Variants in KLHL35 observed in about 807,000 individuals in gnomAD.
The protein encoded by KLHL35 is kelch-like protein 35.
A neutral mutation model predicts 44.0 loss-of-function variants in KLHL35; 50 were observed. The observed-to-expected ratio is 1.14, with a 90% CI of 0.91 to 1.44. KLHL35 has a LOEUF of 1.44. KLHL35 is among the 40% of genes most tolerant of loss of function. The pLI is 0.00. For missense variants in KLHL35, 1,049 were observed against 887.8 expected, an observed-to-expected ratio of 1.18 and a Z score of -2.31; for synonymous variants, 470 against 410.4, an observed-to-expected ratio of 1.15 and a Z score of -1.76.
At chr11:75,422,838 C>T (rs1041318024) in intron 6 of KLHL35, 70 bp from the exon 7 acceptor site, 15 of 1,431,642 alleles carry the variant, frequency 1.0e-5, no homozygotes, top group Non-Finnish European at 1.4e-5. Context: ...CCTGGCCAGG[C>T]CAGATAATAG....
chr11:75,423,187 C>G, intron 6 of KLHL35: 1 of 208,728 alleles, frequency 4.8e-6, no homozygotes, highest in African/African-American at 2.3e-5. Flanking sequence ...CACCAAAGGT[C>G]AGAACTGGCA....
Position 75,429,774 on chromosome 11 carries a change from C to A in KLHL35, c.856G>T (p.Gly286Cys), listed in dbSNP as rs926922847. 4 of 1,497,716 alleles carry A rather than the reference C, an allele frequency of 2.7e-6. No homozygotes were observed. Among genetic ancestry groups the A allele is most frequent in the Non-Finnish European group, 3.5e-6 (4 of 1,129,158 alleles). The allele number at this position is 1,497,716 out of a possible 1,614,324, so 92.8% of individuals were successfully genotyped here. ...RACFILGREAGALRTRPRRFM... is the reference protein window; with the variant it reads ...RACFILGREACALRTRPRRFM... ...CTCCGCGGCCGGGTCCGCAGCGCAC[C>A]GGCCTCGCGGCCCAGGATGAAGCAG... is the stretch of plus-strand genomic sequence containing the variant. The change falls in exon 2 of 7, where the codon GGT becomes TGT. Residue 286 changes from glycine to cysteine, a missense_variant. Gly to Cys is a radical substitution (Grantham distance 159). Coordinates refer to ENST00000539798, the MANE Select transcript of KLHL35 (RefSeq NM_001039548.3).
intron 5 of KLHL35, among the ~76,000 whole-genome samples, chr11:75,425,082 G>A (rs542313682): frequency 6.6e-6 from 1 of 151,916 alleles, no homozygotes; most frequent in East Asian, 1.9e-4. Flanking sequence ...TAAATTTTCA[G>A]TAGTAAGTGT....
At chr11:75,425,794 C>T (rs915408946) in intron 4 of KLHL35, 8 of 435,862 alleles carry the variant, frequency 1.8e-5, no homozygotes, top group Non-Finnish European at 2.8e-5. Flanking sequence ...TCTCATTTAG[C>T]GGGGATGAGA....
chr11:75,430,193 A>G lies in KLHL35; in HGVS notation c.437T>C (p.Leu146Pro). Residue 146 changes from leucine to proline, a missense_variant, in exon 2 of 7, where the codon CTC (leucine) becomes CCC (proline). Transcript: ENST00000539798. ...AGLREACVRF[L>P]EGRLRAANSL... is the part of the protein sequence containing the mutation. ...GTTGGCGGCGCGCAGGCGGCCCTCG[A>G]GAAAGCGCACGCAGGCCTCGCGCAG... The G allele has an allele frequency of 2.4e-6, 3 of 1,241,868 alleles. No individual in the cohort carries two copies. Among genetic ancestry groups the G allele is most frequent in the Non-Finnish European group, 3.0e-6 (3 of 990,142 alleles). 76.9% of individuals were successfully genotyped at this position (1,241,868 alleles called of 1,614,324 possible).
At chr11:75,432,424 G>C (rs533681049) in intron 1 of KLHL35, among the ~76,000 whole-genome samples, 2 of 152,296 alleles carry the variant, frequency 1.3e-5, no homozygotes, top group East Asian at 1.9e-4. Context: ...TTGCCAGGGT[G>C]GGGGTGTGTC....
intron 1 of KLHL35, among the ~76,000 whole-genome samples, chr11:75,431,209 C>T (rs1393751721): frequency 2.0e-5 from 3 of 152,182 alleles, no homozygotes; most frequent in African/African-American, 7.2e-5. Context: ...GCCCTCTGCT[C>T]AATCCAGCCT....
rs567600058 is a variant in KLHL35, at chr11:75,423,663, C to T, written c.1563+29G>A. 1.4e-4 allele frequency: 221 copies of T among 1,600,756 alleles called. 1 individual carries two copies. The Admixed American group carries it at 1.8e-3, about 13-fold the overall frequency. ...GATCCAGAGCCTTAGAAGCGGGTTC[C>T]GCTCTCCTGCCTTGAAGCCTCCACT... On this transcript the variant is annotated intron_variant, in intron 6 of 6. Coordinates refer to ENST00000539798, the MANE Select transcript of KLHL35 (RefSeq NM_001039548.3).
At chr11:75,423,006 GAGA>G (rs1948463607) in intron 6 of KLHL35, 1 of 537,746 alleles carries the variant, frequency 1.9e-6, no homozygotes, top group South Asian at 2.7e-5. Context: ...TCGGCAAAGG[GAGA>G]AGAACTAAAG....
Position 75,425,501 on chromosome 11 carries a change from C to G in KLHL35, c.1266G>C (p.Ala422=). The G allele has an allele frequency of 6.4e-7, 1 of 1,561,172 alleles. No individual in the cohort carries two copies. Among genetic ancestry groups the G allele is most frequent in the Non-Finnish European group, 8.6e-7 (1 of 1,161,378 alleles). ...ERYDPFSNTW[A]AAAPLPEAVS... Reference sequence around the variant, plus strand: ...CGGCCTCCGGGAGGGGCGCGGCGGCCGCCCAGGTGTTGGAGAAGGGGTCGT... The same window carrying G: ...CGGCCTCCGGGAGGGGCGCGGCGGCGGCCCAGGTGTTGGAGAAGGGGTCGT... Residue 422 remains alanine, a synonymous_variant, in exon 5 of 7, where the codon GCG becomes GCC. Coordinates refer to ENST00000539798, the MANE Select transcript of KLHL35 (RefSeq NM_001039548.3).
At chr11:75,429,577 A>C (rs1948516317) in intron 2 of KLHL35, among the ~76,000 whole-genome samples, 172 bp downstream of exon 2, 1 of 152,210 alleles carries the variant, frequency 6.6e-6, no homozygotes, top group Non-Finnish European at 1.5e-5. Flanking sequence ...CATCTCCCTC[A>C]CTGGCTTGTT....
Position 75,430,573 on chromosome 11 carries a change from C to T in KLHL35, c.57G>A (p.Ala19=). The change falls in exon 2 of 7, where the codon GCG becomes GCA. Residue 19 remains alanine, a synonymous_variant. Coordinates refer to ENST00000539798, the MANE Select transcript of KLHL35 (RefSeq NM_001039548.3). ...GCACGCGCTGCGCGTGGCACGGACC[C>T]GCGCACGGCGCTTCGCAGCCCGGCT... The part of the protein sequence containing the change: ...ESEPGCEAPC[A]GPCHAQRVLQ... 1 of 1,449,218 alleles carries T rather than the reference C, an allele frequency of 6.9e-7. No homozygotes were observed. Among genetic ancestry groups the T allele is most frequent in the Non-Finnish European group, 9.0e-7 (1 of 1,106,372 alleles). The allele number at this position is 1,449,218 out of a possible 1,614,324, so 89.8% of individuals were successfully genotyped here. A position where few individuals can be genotyped will look rare whatever the true frequency, so the allele number is the denominator to read the frequency against.
chr11:75,430,456 C>T lies in KLHL35; in HGVS notation c.174G>A (p.Ala58=). 6 of 1,391,724 alleles carry T rather than the reference C, an allele frequency of 4.3e-6. No individual in the cohort carries two copies. Among genetic ancestry groups the T allele is most frequent in the Non-Finnish European group, 5.6e-6 (6 of 1,076,752 alleles). 86.2% of individuals were successfully genotyped at this position (1,391,724 alleles called of 1,614,324 possible). Residue 58 remains alanine, a synonymous_variant, in exon 2 of 7, where the codon GCG becomes GCA. Coordinates refer to ENST00000539798, the MANE Select transcript of KLHL35 (RefSeq NM_001039548.3). ...GGAAGTAGGCGCTGCCCGCGCTGAG[C>T]GCCGCGCGGTGGCACGGAAAGTCGC... ...GGRDFPCHRA[A]LSAGSAYFRS...
Position 75,430,523 on chromosome 11 carries a change from C to T in KLHL35, c.107G>A (p.Arg36Gln), listed in dbSNP as rs954337765. The T allele has an allele frequency of 3.5e-6, 5 of 1,447,528 alleles. No homozygotes were observed. The African/African-American group carries it at 4.4e-5, about 13-fold the overall frequency. The allele number at this position is 1,447,528 out of a possible 1,614,324, so 89.7% of individuals were successfully genotyped here. Residue 36 changes from arginine to glutamine, a missense_variant, in exon 2 of 7, where the codon CGG (arginine) becomes CAG (glutamine). Coordinates refer to ENST00000539798, the MANE Select transcript of KLHL35 (RefSeq NM_001039548.3). ...CACCACGTCGGTGAGGGTGCCGCTC[C>T]GCCGGTAGGCGTTCAGGGCCTGCAG... ...RVLQALNAYR[R>Q]SGTLTDVVLR...
chr11:75,426,457 C>A, intron 4 of KLHL35, 63 bp downstream of exon 4: 1 of 1,175,424 alleles, frequency 8.5e-7, no homozygotes, highest in Non-Finnish European at 1.2e-6. Context: ...AGAGAACCTC[C>A]CTCCAGCACA....
At chr11:75,423,902 GGT>G (rs753390972) in intron 5 of KLHL35, 22 bp from the exon 6 acceptor site, 2 of 1,576,682 alleles carry the variant, frequency 1.3e-6, no homozygotes, top group South Asian at 2.3e-5. Flanking sequence ...GAGCAGCAGT[GGT>G]GAAGACTCAC....
intron 1 of KLHL35, among the ~76,000 whole-genome samples, 43 bp downstream of exon 1, chr11:75,433,000 C>T (rs1411665522): frequency 6.6e-6 from 1 of 152,224 alleles, no homozygotes; most frequent in Non-Finnish European, 1.5e-5. Flanking sequence ...GCAGCCGGGT[C>T]AGCCCTGCAG....
Position 75,429,965 on chromosome 11 carries a change from C to A in KLHL35, c.665G>T (p.Arg222Leu). The change falls in exon 2 of 7, where the codon CGC becomes CTC. Residue 222 changes from arginine to leucine, a missense_variant. Coordinates refer to ENST00000539798, the MANE Select transcript of KLHL35 (RefSeq NM_001039548.3). ...GGCCGGCGCGTCGTGGCGCACCCAG[C>A]GCATGGCCGCTTCAAACACGGCCTC... ...REEAVFEAAM[R>L]WVRHDAPARR... 6 of 1,438,228 alleles carry A rather than the reference C, an allele frequency of 4.2e-6. 1 individual carries two copies. The highest frequency in any genetic ancestry group is 5.4e-6 in the Non-Finnish European group (6 of 1,103,404). The allele number at this position is 1,438,228 out of a possible 1,614,324, so 89.1% of individuals were successfully genotyped here.
chr11:75,430,218 G>C lies in KLHL35; in HGVS notation c.412C>G (p.Leu138Val). The C allele has an allele frequency of 8.2e-7, 1 of 1,225,772 alleles. No individual in the cohort carries two copies. The highest frequency in any genetic ancestry group is 1.0e-6 in the Non-Finnish European group (1 of 979,794). The allele number at this position is 1,225,772 out of a possible 1,614,324, so 75.9% of individuals were successfully genotyped here. A position where few individuals can be genotyped will look rare whatever the true frequency, so the allele number is the denominator to read the frequency against. ...ALAERLGVAG[L>V]REACVRFLEG... ...AGAAAGCGCACGCAGGCCTCGCGCAGGCCCGCCACGCCCAGCCGCTCCGCC... is the reference window on the plus strand; with the variant it reads ...AGAAAGCGCACGCAGGCCTCGCGCACGCCCGCCACGCCCAGCCGCTCCGCC... The change falls in exon 2 of 7, where the codon CTG becomes GTG. Residue 138 changes from leucine to valine, a missense_variant. Coordinates refer to ENST00000539798, the MANE Select transcript of KLHL35 (RefSeq NM_001039548.3).
Sources: allele counts gnomAD v4.1 joint callset (sites outside exome capture counted in the v4.1 genomes callset), GRCh38; gene constraint gnomAD v4.1.1; transcripts MANE v1.5; gene names NCBI Gene and HGNC (gene_info 2026-07-23, HGNC 2026-07-21).